Variants in EXD2 observed in about 807,000 individuals in gnomAD.
EXD2 encodes exonuclease 3'-5' domain-containing protein 2.
In EXD2, 40 loss-of-function variants were observed where a neutral mutation model predicts 62.5. The observed-to-expected ratio is 0.64, with a 90% confidence interval of 0.50 to 0.83. The LOEUF (loss-of-function observed/expected upper bound fraction) is 0.83, where lower values mean the gene tolerates loss of function less well. EXD2 is among the 40% of genes least tolerant of loss of function. EXD2 has a pLI of 0.00. For missense variants in EXD2, 671 were observed against 761.8 expected (o/e 0.88, Z 1.40); for synonymous variants, 239 against 291.9 (o/e 0.82, Z 1.85).
chr14:69,206,672 G>A (rs1336186946), intron 2 of EXD2, among the ~76,000 whole-genome samples: 2 of 149,816 alleles, frequency 1.3e-5, no homozygotes, highest in South Asian at 2.1e-4. Context: ...GGTGTAGATG[G>A]GGTTTCACCA....
chr14:69,212,138 G>A (rs553551251), intron 3 of EXD2, among the ~76,000 whole-genome samples: 4 of 152,268 alleles, frequency 2.6e-5, no homozygotes, highest in African/African-American at 9.6e-5. Context: ...CACTTTGGGA[G>A]GCCGAGGCGG....
intron 1 of EXD2, among the ~76,000 whole-genome samples, chr14:69,194,922 C>G (rs2042149709): frequency 6.6e-6 from 1 of 151,850 alleles, no homozygotes; most frequent in Non-Finnish European, 1.5e-5. Context: ...TTATTTTTTT[C>G]TTTTAAGAGA....
chr14:69,220,263 T>TG (rs2043132755), intron 3 of EXD2, among the ~76,000 whole-genome samples: 1 of 84,004 alleles, frequency 1.2e-5, no homozygotes. Context: ...GTTTTTTTTT[T>TG]TTTTTTTTTT....
At chr14:69,234,613 A>T in intron 5 of EXD2, 87 bp from the exon 6 acceptor site, 5 of 1,071,936 alleles carry the variant, frequency 4.7e-6, no homozygotes, top group Non-Finnish European at 6.8e-6. Flanking sequence ...GGATCCTAAG[A>T]GTTATCTATT....
rs1333699230 is a variant in EXD2, at chr14:69,228,864, T to C, written c.382T>C (p.Ser128Pro). The stretch of plus-strand genomic sequence containing the variant: ...CCCTCTGTCACTTCTACAAATGGCC[T>C]CCCCAAGTGGCCTGTGTGTCTTGGT... ...ASPLSLLQMA[S>P]PSGLCVLVRL... Residue 128 changes from serine (S) to proline (P), a missense_variant, in exon 4 of 10, where the codon TCC becomes CCC. Transcript: ENST00000685843. The C allele has an allele frequency of 6.2e-7, 1 of 1,614,104 alleles. No individual in the cohort carries two copies. The highest frequency in any genetic ancestry group is 1.1e-5 in the South Asian group (1 of 91,056).
At chr14:69,237,494 A>G (rs1312552070) in intron 8 of EXD2, 81 bp from the exon 9 acceptor site, 2 of 1,329,004 alleles carry the variant, frequency 1.5e-6, no homozygotes, top group Non-Finnish European at 2.2e-6. Flanking sequence ...CCCAGTTAGA[A>G]CCCCAGTAGC....
rs1262389851 is a variant in EXD2 at position 69,200,538 on chromosome 14, CA to C, written c.-131-3374del. Among the ~76,000 whole-genome samples the C allele has an allele frequency of 4.0e-5, 6 of 150,952 alleles. No homozygotes were observed. The South Asian group carries it at 1.0e-3, about 26-fold the overall frequency. On this transcript the variant is annotated intron_variant, in intron 1 of 9. Transcript: ENST00000685843. ...GCAACATTGTGAAACCCCATCTCTA[CA>C]AAAATAATACAAAAAAAAAATTACC...
chr14:69,210,529 G>C (rs2042770939), intron 3 of EXD2, among the ~76,000 whole-genome samples: 1 of 152,156 alleles, frequency 6.6e-6, no homozygotes, highest in Non-Finnish European at 1.5e-5. Flanking sequence ...CTTATGCTGA[G>C]TGTGGCGGTG....
chr14:69,235,270 G>A lies in EXD2; in HGVS notation c.1049+239G>A, dbSNP rs1457242217. Among the ~76,000 whole-genome samples the A allele has an allele frequency of 3.9e-5, 6 of 152,268 alleles. No individual in the cohort carries two copies. In the East Asian group the frequency reaches 1.2e-3, roughly 29 times the overall value. ...TATTGACAGTTGGGGTGGAAATGAG[G>A]AAAGCTTAGCTTAGTTCTGTCATTG... On this transcript the variant is annotated intron_variant, in intron 6 of 9. Coordinates refer to ENST00000685843, the MANE Select transcript of EXD2 (RefSeq NM_001193360.2).
chr14:69,212,653 A>G (rs149217370), intron 3 of EXD2, among the ~76,000 whole-genome samples: 1 of 147,156 alleles, frequency 6.8e-6, no homozygotes, highest in African/African-American at 2.5e-5. Flanking sequence ...TGTAGCTAGG[A>G]CTACAGGTAT....
At chr14:69,221,889 T>G in intron 3 of EXD2, among the ~76,000 whole-genome samples, 1 of 118,990 alleles carries the variant, frequency 8.4e-6, no homozygotes, top group Non-Finnish European at 1.6e-5. Flanking sequence ...CTGGCCAACA[T>G]GGTGAAACCC....
chr14:69,231,577 T>C (rs1483652937), intron 5 of EXD2, among the ~76,000 whole-genome samples: 4 of 152,334 alleles, frequency 2.6e-5, no homozygotes, highest in African/African-American at 9.6e-5. Context: ...TAGTGTTCCA[T>C]GTACCTATTA....
chr14:69,208,228 T>TC (rs2042678101), intron 2 of EXD2, among the ~76,000 whole-genome samples: 1 of 146,722 alleles, frequency 6.8e-6, no homozygotes, highest in Admixed American at 6.8e-5. Context: ...TTTTTTTTTT[T>TC]GAGACGGAGT....
At chr14:69,235,380 G>T (rs45577339) in intron 6 of EXD2, among the ~76,000 whole-genome samples, 7,488 of 152,170 alleles carry the variant, frequency 0.049, 273 homozygotes, top group Non-Finnish European at 0.076. Flanking sequence ...GGCTAGCTGT[G>T]GAAAATAAAT....
intron 2 of EXD2, among the ~76,000 whole-genome samples, chr14:69,204,278 C>T (rs1235364478): frequency 1.3e-5 from 2 of 152,044 alleles, no homozygotes; most frequent in African/African-American, 2.4e-5. Context: ...ATTAGGTAGC[C>T]GTTGATATTT....
intron 1 of EXD2, 31 bp downstream of exon 1, chr14:69,191,622 T>G (rs551649514): frequency 6.6e-6 from 1 of 152,650 alleles, no homozygotes; most frequent in East Asian, 1.9e-4. Context: ...GGCGAAGCCT[T>G]GCACCAGGAT....
rs752669990 is a variant in EXD2, at chr14:69,235,005, G to C, written c.1023G>C (p.Lys341Asn). The C allele has an allele frequency of 6.2e-7, 1 of 1,600,798 alleles. No homozygotes were observed. Among genetic ancestry groups the C allele is most frequent in the Non-Finnish European group, 8.5e-7 (1 of 1,175,234 alleles). Residue 341 changes from lysine (K) to asparagine (N), a missense_variant, in exon 6 of 10, where the codon AAG becomes AAC. Physicochemically the swap from Lys to Asn is moderately conservative, Grantham distance 94. Coordinates refer to ENST00000685843, the MANE Select transcript of EXD2 (RefSeq NM_001193360.2). The stretch of plus-strand genomic sequence containing the variant: ...GAGACCCCAGAAAACATAAAAGAAA[G>C]CCTCTGGGGGTGGGCTATTCTGCCA... ...QGRDPRKHKR[K>N]PLGVGYSARK...
intron 3 of EXD2, among the ~76,000 whole-genome samples, chr14:69,213,373 CT>C (rs150182640): frequency 0.029 from 2,617 of 89,718 alleles, 23 homozygotes; most frequent in African/African-American, 0.053. Flanking sequence ...ATGCTGGGCC[CT>C]TTTTTTTTTT....
At chr14:69,225,469 ATTG>A (rs2140293788) in intron 3 of EXD2, among the ~76,000 whole-genome samples, 1 of 152,276 alleles carries the variant, frequency 6.6e-6, no homozygotes, top group South Asian at 2.1e-4. Flanking sequence ...ATCTGTAATG[ATTG>A]TTGTTATTGT....
Sources: allele counts gnomAD v4.1 joint callset (sites outside exome capture counted in the v4.1 genomes callset), GRCh38; gene constraint gnomAD v4.1.1; transcripts MANE v1.5; gene names NCBI Gene and HGNC (gene_info 2026-07-23, HGNC 2026-07-21).